MACF1: variants seen among roughly 807,000 people sequenced by gnomAD.
The protein encoded by MACF1 is microtubule-actin cross-linking factor 1.
Under a neutral mutation model 854.8 loss-of-function variants are expected in MACF1, and 193 were observed. The ratio of observed to expected loss-of-function variants is 0.23; its 90% CI spans 0.20 to 0.25. The LOEUF is 0.25. Among genes scored for constraint, MACF1 ranks in the 10% least tolerant of loss-of-function variants. The pLI, the probability that MACF1 is intolerant of heterozygous loss-of-function variation, is 1.00. For synonymous variants in MACF1, 3,185 were observed against 3,226.7 expected, an observed-to-expected ratio of 0.99 and a Z score of 0.44; for missense variants, 7,722 against 8,929.1, an observed-to-expected ratio of 0.86 and a Z score of 5.45.
Position 39,441,977 on chromosome 1 carries a change from C to T in MACF1, c.18698C>T (p.Thr6233Ile), listed in dbSNP as rs142380450. Residue 6233 changes from threonine (T) to isoleucine (I), a missense_variant, in exon 75 of 101, where the codon ACT becomes ATT. By Grantham distance (89) the Thr-to-Ile change is moderately conservative (BLOSUM62 -1). This residue lies in a region of MACF1 where 2,807 missense variants were observed against 3,235.8 expected (regional missense o/e 0.87). Coordinates refer to ENST00000564288, the MANE Select transcript of MACF1 (RefSeq NM_001394062.1). ...LQAMFDWLDN[T>I]VIKLCTMPPV... is the part of the protein sequence containing the mutation. ...GCTATGTTTGACTGGCTAGATAACA[C>T]TGTGATTAAACTCTGCACCATGCCC... The T allele has an allele frequency of 5.0e-6, 8 of 1,613,916 alleles. No individual in the cohort carries two copies. The African/African-American group carries it at 8.0e-5, about 16-fold the overall frequency.
chr1:39,428,317 G>C, intron 63 of MACF1, 30 bp downstream of exon 63: 1 of 1,516,674 alleles, frequency 6.6e-7, no homozygotes, highest in Non-Finnish European at 8.9e-7. Context: ...TATTGGTTAT[G>C]TTATTCTGTT....
intron 2 of MACF1, among the ~76,000 whole-genome samples, chr1:39,173,351 A>AAAAAAGAAAG (rs1553155692): frequency 7.1e-5 from 9 of 126,236 alleles, no homozygotes; most frequent in Non-Finnish European, 1.5e-4. Context: ...AAAAAAAAAA[A>AAAAAAGAAAG]AAAGAAAGAA....
At chr1:39,259,907 G>A (rs982986735) in intron 6 of MACF1, among the ~76,000 whole-genome samples, 5 of 152,076 alleles carry the variant, frequency 3.3e-5, no homozygotes, top group Non-Finnish European at 5.9e-5. Context: ...GTGAGCCACC[G>A]TGCCCGGCCA....
At chr1:39,398,278 A>G (rs1008505955) in intron 58 of MACF1, among the ~76,000 whole-genome samples, 1 of 151,798 alleles carries the variant, frequency 6.6e-6, no homozygotes, top group African/African-American at 2.4e-5. Flanking sequence ...AGCTGGAATT[A>G]CAGGTGCATG....
rs1645096775 is a variant in MACF1, at chr1:39,485,980, A to C, written c.*186A>C. On this transcript the variant is annotated 3_prime_UTR_variant, in exon 101 of 101. Transcript: ENST00000564288. Reference sequence around the variant, plus strand: ...TCATGTGAATATTTATGTAGATAAAATTTGCCTCCTGGTAACCCTGTAATG... The same window carrying C: ...TCATGTGAATATTTATGTAGATAAACTTTGCCTCCTGGTAACCCTGTAATG... The C allele has an allele frequency of 1.6e-6, 1 of 612,302 alleles. No individual in the cohort carries two copies. The highest frequency in any genetic ancestry group is 4.2e-5 in the Admixed American group (1 of 23,904). The allele number at this position is 612,302 out of a possible 1,614,324, so 37.9% of individuals were successfully genotyped here. A position where few individuals can be genotyped will look rare whatever the true frequency, so the allele number is the denominator to read the frequency against.
intron 2 of MACF1, among the ~76,000 whole-genome samples, chr1:39,234,798 C>T (rs768407834): frequency 0.062 from 5,919 of 95,300 alleles, 280 homozygotes; most frequent in Non-Finnish European, 0.1. Flanking sequence ...ACGGGGCGGC[C>T]GGGCAGAGAT....
intron 42 of MACF1, 37 bp downstream of exon 42, chr1:39,349,664 G>C: frequency 6.2e-7 from 1 of 1,607,242 alleles, no homozygotes. Flanking sequence ...ACAAAGTCTC[G>C]CTCTATCGCT....
intron 1 of MACF1, among the ~76,000 whole-genome samples, chr1:39,214,952 T>A (rs1393255297): frequency 6.6e-6 from 1 of 152,164 alleles, no homozygotes; most frequent in Non-Finnish European, 1.5e-5. Flanking sequence ...TTCACCACAT[T>A]ACAAGCTTCT....
intron 1 of MACF1, among the ~76,000 whole-genome samples, chr1:39,219,060 C>T (rs2148287656): frequency 6.6e-6 from 1 of 152,340 alleles, no homozygotes; most frequent in South Asian, 2.1e-4. Flanking sequence ...GGATTACAGG[C>T]ATGAGCCATC....
In MACF1 at chr1:39,380,366, A is replaced by G. The variant is rs6673570; in HGVS notation, c.13641A>G (p.Glu4547=). ...QEAENWKKIQ[E]ELNSRWERAT... The stretch of plus-strand genomic sequence containing the variant: ...CAGAAAATTGGAAGAAAATTCAGGA[A>G]GAACTCAGTAAGTTTTCACAAGAGT... Residue 4547 remains glutamate, a synonymous_variant, in exon 55 of 101, where the codon GAA becomes GAG. Transcript: ENST00000564288. 3,084 of 1,612,906 alleles carry G rather than the reference A, an allele frequency of 1.9e-3. 59 individuals carry two copies. In the African/African-American group the frequency reaches 0.036, roughly 19 times the overall value.
intron 53 of MACF1, among the ~76,000 whole-genome samples, chr1:39,378,736 G>C (rs1379359304): frequency 6.6e-6 from 1 of 152,162 alleles, no homozygotes; most frequent in African/African-American, 2.4e-5. Flanking sequence ...AAATACAATA[G>C]ATTGGATCAC....
rs376640482 is a variant in MACF1, at chr1:39,418,353, CAGAG to C, written c.15817-4017_15817-4014del. Among the ~76,000 whole-genome samples the C allele has an allele frequency of 5.2e-3, 791 of 152,290 alleles. 5 individuals are homozygous for C. Among genetic ancestry groups the C allele is most frequent in the African/African-American group, 0.018 (729 of 41,556 alleles). On this transcript the variant is annotated intron_variant, in intron 58 of 100. Coordinates refer to ENST00000564288, the MANE Select transcript of MACF1 (RefSeq NM_001394062.1). ...CAGTTGGATACGTAGCTTTGAAACT[CAGAG>C]AGACAAATTGAGAGTCATAAGCATT...
intron 2 of MACF1, among the ~76,000 whole-genome samples, chr1:39,148,942 T>G (rs1467609509): frequency 6.6e-6 from 1 of 152,258 alleles, no homozygotes; most frequent in Non-Finnish European, 1.5e-5. Context: ...GTTGATTTTA[T>G]GTTGCCGTTG....
In MACF1 at chr1:39,479,740, G is replaced by A. The variant is rs535263821; in HGVS notation, c.21959-58G>A. On this transcript the variant is annotated intron_variant, in intron 97 of 100. Transcript: ENST00000564288. ...CATGGGGTCAAGCCGCTGTATAACC[G>A]TCAAAAATATATTTTTTAGAAGAAC... 86 of 1,508,414 alleles carry A rather than the reference G, an allele frequency of 5.7e-5. 1 individual carries two copies. In the East Asian group the frequency reaches 1.0e-3, roughly 18 times the overall value. The allele number at this position is 1,508,414 out of a possible 1,614,324, so 93.4% of individuals were successfully genotyped here. A position where few individuals can be genotyped will look rare whatever the true frequency, so the allele number is the denominator to read the frequency against.
chr1:39,450,077 T>A (rs1245189800), intron 84 of MACF1, among the ~76,000 whole-genome samples: 2 of 151,984 alleles, frequency 1.3e-5, no homozygotes, highest in East Asian at 3.9e-4. Flanking sequence ...TTGGCCAGGC[T>A]GGTCTGGAAC....
At chr1:39,476,531 A>G (rs1201076609) in intron 97 of MACF1, among the ~76,000 whole-genome samples, 1 of 151,994 alleles carries the variant, frequency 6.6e-6, no homozygotes, top group Admixed American at 6.6e-5. Flanking sequence ...AGATTGGGCC[A>G]CTGCACTCCA....
At position 39,409,034 on chromosome 1, in the gene MACF1, G is replaced by A. The variant is rs1345489304; in HGVS notation, c.15817-13340G>A. 6.6e-6 allele frequency among the ~76,000 whole-genome samples: 1 copy of A among 151,814 alleles called. No homozygotes were observed. Among genetic ancestry groups the A allele is most frequent in the Non-Finnish European group, 1.5e-5 (1 of 67,936 alleles). On this transcript the variant is annotated intron_variant, in intron 58 of 100. Coordinates refer to ENST00000564288, the MANE Select transcript of MACF1 (RefSeq NM_001394062.1). This position sits in a 1 kb window ranked among gnomAD's most constrained non-coding sequence, Gnocchi z 4.2. ...CTGCCCGGGCGGGGCGGCGCAGCGC[G>A]GCGGCGCGGGGAAGGGGGAGGAGAG...
intron 1 of MACF1, among the ~76,000 whole-genome samples, chr1:39,228,320 C>CA (rs1644740240): frequency 6.6e-6 from 1 of 151,186 alleles, no homozygotes; most frequent in South Asian, 2.1e-4. Context: ...CAAAAACAGA[C>CA]AAAAAAAGGG....
chr1:39,436,134 A>G (rs1482729063), intron 70 of MACF1: 2 of 408,144 alleles, frequency 4.9e-6, no homozygotes, highest in Non-Finnish European at 8.7e-6. Context: ...GCAACAGCAC[A>G]TTAGTTTTCT....
Sources: allele counts gnomAD v4.1 joint callset (sites outside exome capture counted in the v4.1 genomes callset), GRCh38; gene constraint gnomAD v4.1.1; regional missense constraint gnomAD v4.1.1; non-coding constraint Gnocchi (gnomAD v3.1); transcripts MANE v1.5; gene names NCBI Gene and HGNC (gene_info 2026-07-23, HGNC 2026-07-21).